The following QRSL1 variants were observed in gnomAD, a reference collection of about 807,000 sequenced individuals.
The protein encoded by QRSL1 is glutamyl-tRNA(Gln) amidotransferase subunit A, mitochondrial.
Under a neutral mutation model 61.6 loss-of-function variants are expected in QRSL1, and 54 were observed. That is an observed-to-expected ratio of 0.88 (90% CI 0.70 to 1.10). The LOEUF (loss-of-function observed/expected upper bound fraction) is 1.10. Ranked by LOEUF, QRSL1 falls within the 50% of genes least tolerant of loss-of-function variation. The pLI, the probability that QRSL1 is intolerant of heterozygous loss-of-function variation, is 0.00. For missense variants in QRSL1, 505 were observed against 622.6 expected (o/e 0.81, Z 2.01); for synonymous variants, 228 against 225.7 (o/e 1.01, Z -0.09).
At chr6:106,665,218 T>A (rs1777412250) in intron 10 of QRSL1, among the ~76,000 whole-genome samples, 2 of 152,194 alleles carry the variant, frequency 1.3e-5, no homozygotes, top group South Asian at 4.1e-4. Context: ...AACCTGGAAT[T>A]AAAACTACCC....
intron 2 of QRSL1, 94 bp from the exon 3 acceptor site, chr6:106,640,729 T>A: frequency 1.7e-6 from 2 of 1,182,832 alleles, no homozygotes; most frequent in Non-Finnish European, 1.2e-6. Flanking sequence ...GAAGTATCTT[T>A]GCCAAAAACT....
At chr6:106,634,730 C>T (rs765357273) in intron 1 of QRSL1, among the ~76,000 whole-genome samples, 9 of 151,784 alleles carry the variant, frequency 5.9e-5, no homozygotes, top group Non-Finnish European at 8.8e-5. Flanking sequence ...CACATCCGTG[C>T]ACTCCAGGTT....
At chr6:106,637,293 G>A (rs568611829) in intron 1 of QRSL1, among the ~76,000 whole-genome samples, 2 of 152,316 alleles carry the variant, frequency 1.3e-5, no homozygotes, top group South Asian at 2.1e-4. Context: ...GTGACCAGGA[G>A]AGTTGGCAAC....
Position 106,654,767 on chromosome 6 carries a change from C to A in QRSL1, c.887C>A (p.Ser296Tyr). 1 of 1,612,594 alleles carries A rather than the reference C, an allele frequency of 6.2e-7. No homozygotes were observed. The highest frequency in any genetic ancestry group is 8.5e-7 in the Non-Finnish European group (1 of 1,179,688). The part of the protein sequence containing the change: ...LVPELSSEVQ[S>Y]LWSKAADLFE... ...CCGGAATTATCAAGTGAAGTACAGT[C>A]TCTTTGGTCCAAAGCTGCTGACCTC... The change falls in exon 8 of 11, where the codon TCT (serine) becomes TAT (tyrosine). Residue 296 changes from serine (S) to tyrosine (Y), a missense_variant. By Grantham distance (144) the Ser-to-Tyr change is moderately radical. Transcript: ENST00000369046.
intron 9 of QRSL1, among the ~76,000 whole-genome samples, chr6:106,656,030 A>C (rs551325576): frequency 6.6e-6 from 1 of 152,340 alleles, no homozygotes; most frequent in East Asian, 1.9e-4. Context: ...AACACCCAAC[A>C]ATAAAAAGTA....
chr6:106,649,493 T>C lies in QRSL1; in HGVS notation c.557+292T>C, dbSNP rs900067910. ...AAGCATCGAACATAAATGAACTTCA[T>C]TGCATTTCATTTTTAAATAATTTGA... On this transcript the variant is annotated intron_variant, in intron 5 of 10. Transcript: ENST00000369046. Among the ~76,000 whole-genome samples the C allele has an allele frequency of 6.6e-5, 10 of 152,234 alleles. No individual in the cohort carries two copies. The South Asian group carries it at 8.3e-4, about 13-fold the overall frequency.
chr6:106,650,973 C>T (rs1377882097), intron 5 of QRSL1, among the ~76,000 whole-genome samples: 2 of 152,092 alleles, frequency 1.3e-5, no homozygotes, highest in Non-Finnish European at 2.9e-5. Flanking sequence ...ATAAAATGTA[C>T]CAGCCTAACC....
chr6:106,654,789 C>T lies in QRSL1; in HGVS notation c.909C>T (p.Asp303=), dbSNP rs778323477. The part of the protein sequence containing the change: ...EVQSLWSKAA[D]LFESEGAKVI... ...AGTCTCTTTGGTCCAAAGCTGCTGA[C>T]CTCTTTGAGTCTGAGGGGGCCAAAG... is the stretch of plus-strand genomic sequence containing the variant. Residue 303 remains aspartate, a synonymous_variant, in exon 8 of 11, where the codon GAC becomes GAT. Transcript: ENST00000369046. 6.2e-7 allele frequency: 1 copy of T among 1,613,630 alleles called. No individual in the cohort carries two copies. Among genetic ancestry groups the T allele is most frequent in the Admixed American group, 1.7e-5 (1 of 59,912 alleles).
chr6:106,648,578 C>T (rs973775593), intron 4 of QRSL1, among the ~76,000 whole-genome samples: 1 of 152,046 alleles, frequency 6.6e-6, no homozygotes, highest in African/African-American at 2.4e-5. Context: ...GTATAAAGTG[C>T]TTTATATGTT....
chr6:106,633,075 G>T (rs780997345), intron 1 of QRSL1, among the ~76,000 whole-genome samples: 1 of 152,152 alleles, frequency 6.6e-6, no homozygotes, highest in Admixed American at 6.5e-5. Flanking sequence ...AACTTTTGCC[G>T]CATGGGGGGA....
At chr6:106,636,625 A>G (rs12111259) in intron 1 of QRSL1, among the ~76,000 whole-genome samples, 9,946 of 152,072 alleles carry the variant, frequency 0.065, 834 homozygotes, top group East Asian at 0.19. Context: ...AGCCAGCTCT[A>G]CTGCTTTTTA....
intron 1 of QRSL1, among the ~76,000 whole-genome samples, chr6:106,639,706 A>G (rs994011020): frequency 1.3e-5 from 2 of 152,090 alleles, no homozygotes; most frequent in Non-Finnish European, 2.9e-5. Context: ...CTTCCTGTCA[A>G]TATACACTGG....
intron 9 of QRSL1, among the ~76,000 whole-genome samples, chr6:106,661,991 G>A (rs367917514): frequency 2.6e-5 from 4 of 152,002 alleles, no homozygotes; most frequent in Admixed American, 6.6e-5. Context: ...GATTACAGGC[G>A]TGAGCCACTG....
intron 7 of QRSL1, 53 bp downstream of exon 7, chr6:106,652,635 G>A: frequency 1.2e-6 from 2 of 1,610,550 alleles, no homozygotes; most frequent in Non-Finnish European, 1.7e-6. Context: ...CCAATAGAGA[G>A]CACAGACTTG....
At chr6:106,642,960 G>T (rs554963614) in intron 3 of QRSL1, 34 bp from the exon 4 acceptor site, 1 of 1,420,728 alleles carries the variant, frequency 7.0e-7, no homozygotes, top group African/African-American at 1.4e-5. Context: ...CTTCTGGACT[G>T]TAAAAAAAAT....
intron 4 of QRSL1, among the ~76,000 whole-genome samples, chr6:106,648,582 A>T (rs1431885018): frequency 2.0e-5 from 3 of 152,216 alleles, no homozygotes; most frequent in African/African-American, 7.2e-5. Context: ...AAAGTGCTTT[A>T]TATGTTATTT....
Position 106,666,233 on chromosome 6 carries a change from A to G in QRSL1, c.*231A>G. On this transcript the variant is annotated 3_prime_UTR_variant, in exon 11 of 11. Coordinates refer to ENST00000369046, the MANE Select transcript of QRSL1 (RefSeq NM_018292.5). ...AGGCTGAGGCAGGAGAATCACTTGA[A>G]CCCTGGAGGTGGAGGTTGCAGTGAG... 1 of 482,410 alleles carries G rather than the reference A, an allele frequency of 2.1e-6. No individual in the cohort carries two copies. Among genetic ancestry groups the G allele is most frequent in the Non-Finnish European group, 3.8e-6 (1 of 265,308 alleles). 29.9% of individuals were successfully genotyped at this position (482,410 alleles called of 1,614,324 possible). A position where few individuals can be genotyped will look rare whatever the true frequency, so the allele number is the denominator to read the frequency against.
In QRSL1 at chr6:106,640,854, T is replaced by C; in HGVS notation, c.216T>C (p.Pro72=). 1.9e-6 allele frequency: 3 copies of C among 1,613,796 alleles called. No homozygotes were observed. The highest frequency in any genetic ancestry group is 2.2e-5 in the South Asian group (2 of 91,052). ...GQSLGDLDGI[P]IAVKDNFSTS... is the part of the protein sequence containing the mutation. ...CACTTGGGGATTTAGATGGAATTCC[T>C]ATTGCAGTAAAAGACAATTTCAGCA... Residue 72 remains proline, a synonymous_variant, in exon 3 of 11, where the codon CCT becomes CCC. Transcript: ENST00000369046.
chr6:106,644,594 CACTACA>C (rs1446177864), intron 4 of QRSL1, among the ~76,000 whole-genome samples: 2 of 152,192 alleles, frequency 1.3e-5, no homozygotes, highest in Non-Finnish European at 2.9e-5. Flanking sequence ...GATCTCGGCT[CACTACA>C]ACCTCCGCCT....
Sources: gnomAD v4.1 joint callset for allele counts (sites outside exome capture counted in the v4.1 genomes callset) on GRCh38, gnomAD v4.1.1 for gene constraint, MANE v1.5 for transcripts, NCBI Gene and HGNC (gene_info 2026-07-23, HGNC 2026-07-21) for gene names.